Variants in LOXHD1 observed in about 807,000 individuals in gnomAD.
LOXHD1 encodes lipoxygenase homology PLAT domains 1.
Under a neutral mutation model 248.2 loss-of-function variants are expected in LOXHD1, and 205 were observed. That is an observed-to-expected ratio of 0.83 (90% CI 0.74 to 0.93). The LOEUF is 0.93. LOXHD1 is among the 40% of genes least tolerant of loss of function. LOXHD1 has a pLI of 0.00. For missense variants in LOXHD1, 2,930 were observed against 2,971.6 expected (o/e 0.99, Z 0.33); for synonymous variants, 1,113 against 1,162.8 (o/e 0.96, Z 0.87).
chr18:46,569,368 G>T, intron 16 of LOXHD1, 74 bp downstream of exon 16: 1 of 1,243,074 alleles, frequency 8.0e-7, no homozygotes, highest in Non-Finnish European at 1.1e-6. Flanking sequence ...GGACATATGT[G>T]TGTGTGGACA....
At chr18:46,627,979 C>A (rs1334042951) in intron 4 of LOXHD1, among the ~76,000 whole-genome samples, 4 of 152,170 alleles carry the variant, frequency 2.6e-5, no homozygotes, top group African/African-American at 9.7e-5. Context: ...TCACCCTGAG[C>A]GCAGGCTCTG....
intron 6 of LOXHD1, among the ~76,000 whole-genome samples, chr18:46,606,622 T>C (rs1463413938): frequency 6.6e-6 from 1 of 152,194 alleles, no homozygotes; most frequent in Non-Finnish European, 1.5e-5. Context: ...TCCCAAGATA[T>C]CTCATTATGT....
intron 12 of LOXHD1, among the ~76,000 whole-genome samples, chr18:46,587,371 T>C: frequency 6.6e-6 from 1 of 152,186 alleles, no homozygotes; most frequent in East Asian, 1.9e-4. Context: ...TCTGCTTTTT[T>C]AGCTGTAACT....
chr18:46,576,129 C>T (rs1277155201), intron 14 of LOXHD1, among the ~76,000 whole-genome samples: 1 of 152,240 alleles, frequency 6.6e-6, no homozygotes, highest in East Asian at 1.9e-4. Flanking sequence ...TATTCACTTG[C>T]TTTTAGTCTA....
chr18:46,494,420 T>C (rs543545093), intron 37 of LOXHD1, among the ~76,000 whole-genome samples: 2 of 152,356 alleles, frequency 1.3e-5, no homozygotes, highest in East Asian at 1.9e-4. Flanking sequence ...AACTCCATTC[T>C]TGACAATAAT....
intron 33 of LOXHD1, chr18:46,520,349 A>G (rs1294869883): frequency 4.2e-6 from 2 of 470,744 alleles, no homozygotes; most frequent in Non-Finnish European, 8.8e-6. Context: ...GTTTTGATTC[A>G]GTACCAGAGA....
At chr18:46,629,403 G>A (rs1471143082) in intron 4 of LOXHD1, among the ~76,000 whole-genome samples, 1 of 152,222 alleles carries the variant, frequency 6.6e-6, no homozygotes, top group Non-Finnish European at 1.5e-5. Flanking sequence ...TGCGATGGGT[G>A]TTTTATGCTC....
intron 5 of LOXHD1, among the ~76,000 whole-genome samples, chr18:46,613,914 T>C (rs1568217179): frequency 6.6e-6 from 1 of 152,234 alleles, no homozygotes; most frequent in African/African-American, 2.4e-5. Context: ...TATATATTTA[T>C]TTATCAATTT....
rs758391817 is a variant in LOXHD1, at chr18:46,483,542, A to T, written c.6341+45T>A. On this transcript the variant is annotated intron_variant, in intron 40 of 40. Coordinates refer to ENST00000642948, the MANE Select transcript of LOXHD1 (RefSeq NM_001384474.1). ...CATGGTCCAGCTCAGTCCCTGCCCC[A>T]TGCTGAGGGAGTGGCACTTCCTTGG... is the stretch of plus-strand genomic sequence containing the variant. The T allele has an allele frequency of 1.9e-6, 3 of 1,550,192 alleles. No homozygotes were observed. The South Asian group carries it at 3.6e-5, about 18-fold the overall frequency.
At chr18:46,563,353 T>C in intron 17 of LOXHD1, 128 bp from the exon 18 acceptor site, 1 of 904,930 alleles carries the variant, frequency 1.1e-6, no homozygotes, top group Non-Finnish European at 1.6e-6. Flanking sequence ...ACTTATCTAA[T>C]CCTCTCCTCA....
chr18:46,654,677 G>A (rs185068272), intron 1 of LOXHD1, among the ~76,000 whole-genome samples: 1 of 152,140 alleles, frequency 6.6e-6, no homozygotes. Flanking sequence ...GACTCTCCAC[G>A]TAACACCAGA....
chr18:46,494,849 C>CTTTTTTTTTTTTTTTTTTTTTT (rs58016824), intron 37 of LOXHD1, among the ~76,000 whole-genome samples: 5 of 96,552 alleles, frequency 5.2e-5, no homozygotes, highest in Non-Finnish European at 8.2e-5. Flanking sequence ...TTCTCTCTCT[C>CTTTTTTTTTTTTTTTTTTTTTT]TTTTTTTTTT....
intron 29 of LOXHD1, 129 bp from the exon 30 acceptor site, chr18:46,525,046 C>G: frequency 1.9e-6 from 2 of 1,050,492 alleles, no homozygotes; most frequent in South Asian, 1.6e-5. Context: ...GCTGGGGAGC[C>G]CTCCAGGCCC....
intron 5 of LOXHD1, among the ~76,000 whole-genome samples, chr18:46,615,619 A>AT (rs1483005942): frequency 1.3e-5 from 2 of 151,986 alleles, no homozygotes; most frequent in Non-Finnish European, 2.9e-5. Context: ...TTGCTTTGTG[A>AT]TTTTGTATAT....
At chr18:46,541,368 G>T (rs1213567838) in intron 25 of LOXHD1, among the ~76,000 whole-genome samples, 1 of 152,104 alleles carries the variant, frequency 6.6e-6, no homozygotes, top group East Asian at 1.9e-4. Context: ...TTATACTGCT[G>T]ACTTATTTGG....
In LOXHD1 at chr18:46,509,805, C is replaced by A. The variant is rs200242497; in HGVS notation, c.5410G>T (p.Glu1804Ter). Residue 1804 changes from glutamate (E) to a stop codon, truncating the protein, a stop_gained, in exon 35 of 41, where the codon GAG (glutamate) becomes TAG (stop). Transcript: ENST00000642948. LOFTEE classifies it high-confidence loss of function. ...TCCATGATGAAGGTGTCGTTCTGCT[C>A]CCGCTCAAACCTGGGGGTGGAGAGG... ...LDKKKARFER[E>*]QNDTFIMEIL... The A allele has an allele frequency of 1.3e-6, 2 of 1,550,284 alleles. No homozygotes were observed. Among genetic ancestry groups the A allele is most frequent in the Non-Finnish European group, 1.7e-6 (2 of 1,146,546 alleles).
At chr18:46,529,790 A>C (rs552318573) in intron 28 of LOXHD1, among the ~76,000 whole-genome samples, 1 of 152,192 alleles carries the variant, frequency 6.6e-6, no homozygotes, top group Non-Finnish European at 1.5e-5. Context: ...TATTTTGTAA[A>C]GAACAGTTTC....
chr18:46,609,661 C>T (rs775443738), intron 6 of LOXHD1, among the ~76,000 whole-genome samples: 1 of 152,320 alleles, frequency 6.6e-6, no homozygotes, highest in East Asian at 1.9e-4. Flanking sequence ...CGGACCTCAG[C>T]CTGGTGTGAA....
At chr18:46,561,859 G>C (rs2037536561) in intron 18 of LOXHD1, among the ~76,000 whole-genome samples, 1 of 152,174 alleles carries the variant, frequency 6.6e-6, no homozygotes, top group African/African-American at 2.4e-5. Context: ...CATTTCCCAG[G>C]TTACAGCACC....
Sources: gnomAD v4.1 joint callset for allele counts (sites outside exome capture counted in the v4.1 genomes callset) on GRCh38, gnomAD v4.1.1 for gene constraint, MANE v1.5 for transcripts, NCBI Gene and HGNC (gene_info 2026-07-23, HGNC 2026-07-21) for gene names.